Variants in DNAH14 observed in about 807,000 individuals in gnomAD.
The protein encoded by DNAH14 is axonemal beta dynein heavy chain 14.
Under a neutral mutation model 520.9 loss-of-function variants are expected in DNAH14, and 478 were observed. That is an observed-to-expected ratio of 0.92 (90% CI 0.85 to 0.99). The LOEUF (loss-of-function observed/expected upper bound fraction) is 0.99, where lower values mean the gene tolerates loss of function less well. Ranked by LOEUF, DNAH14 falls within the 50% of genes least tolerant of loss-of-function variation. The pLI, the probability that DNAH14 is intolerant of heterozygous loss-of-function variation, is 0.00. For synonymous variants in DNAH14, 1,581 were observed against 1,757.2 expected (o/e 0.90, Z 2.51); for missense variants, 4,831 against 5,234.5 (o/e 0.92, Z 2.38).
intron 44 of DNAH14, among the ~76,000 whole-genome samples, chr1:225,254,893 C>T (rs2092684905): frequency 6.6e-6 from 1 of 152,156 alleles, no homozygotes; most frequent in African/African-American, 2.4e-5. Flanking sequence ...CAACTCACGT[C>T]ATGGTAGCGA....
chr1:225,020,517 C>CA (rs58033176), intron 10 of DNAH14, among the ~76,000 whole-genome samples: 3 of 127,016 alleles, frequency 2.4e-5, no homozygotes, highest in Non-Finnish European at 4.7e-5. Flanking sequence ...AAAAAAAAAA[C>CA]AACTCAAAGG....
chr1:225,032,607 C>G (rs12074068), intron 11 of DNAH14, among the ~76,000 whole-genome samples: 203 of 152,116 alleles, frequency 1.3e-3, no homozygotes, highest in African/African-American at 4.5e-3. Flanking sequence ...AATAACGGGA[C>G]TGCTGGGTCG....
chr1:225,201,063 A>C (rs189479247), intron 38 of DNAH14, among the ~76,000 whole-genome samples: 123 of 151,520 alleles, frequency 8.1e-4, no homozygotes, highest in South Asian at 8.3e-4. Flanking sequence ...TCTTCTTATT[A>C]TTATTATTAT....
In DNAH14 at chr1:225,358,614, C is replaced by A; in HGVS notation, c.11738C>A (p.Ser3913Tyr). 1 of 1,547,994 alleles carries A rather than the reference C, an allele frequency of 6.5e-7. No individual in the cohort carries two copies. Among genetic ancestry groups the A allele is most frequent in the Non-Finnish European group, 8.7e-7 (1 of 1,145,896 alleles). Residue 3913 changes from serine to tyrosine, a missense_variant, in exon 74 of 86, where the codon TCC becomes TAC. Ser to Tyr is a moderately radical substitution (Grantham distance 144). Transcript: ENST00000682510. Reference sequence around the variant, plus strand: ...AATTTGAAAGATGCATATAAAGGATCCAATGCCAGAACTCCGCTGATACTT... The same window carrying A: ...AATTTGAAAGATGCATATAAAGGATACAATGCCAGAACTCCGCTGATACTT... Reference protein sequence around the residue: ...GVNLKDAYKGSNARTPLILIQ... With the variant: ...GVNLKDAYKGYNARTPLILIQ...
chr1:225,193,624 C>T (rs2085734254), intron 38 of DNAH14, among the ~76,000 whole-genome samples: 1 of 152,010 alleles, frequency 6.6e-6, no homozygotes, highest in East Asian at 1.9e-4. Context: ...GAAGCATTCC[C>T]CTTGAGAACC....
chr1:225,374,233 AATATATATATTTG>A (rs2095663194), intron 77 of DNAH14, among the ~76,000 whole-genome samples: 1 of 25,788 alleles, frequency 3.9e-5, no homozygotes, highest in South Asian at 1.1e-3. Context: ...AAATATATAT[AATATATATATTTG>A]TCTATATATA....
intron 17 of DNAH14, among the ~76,000 whole-genome samples, chr1:225,055,198 T>C (rs760062560): frequency 2.6e-5 from 4 of 152,198 alleles, no homozygotes; most frequent in Non-Finnish European, 5.9e-5. Flanking sequence ...GCCGTATTTC[T>C]ACATAGCATT....
At chr1:225,218,384 C>T (rs530213958) in intron 41 of DNAH14, among the ~76,000 whole-genome samples, 1 of 152,012 alleles carries the variant, frequency 6.6e-6, no homozygotes, top group East Asian at 1.9e-4. Context: ...GAGTCAAGAC[C>T]CATCAGTGTG....
chr1:225,133,028 G>A (rs568227265), intron 27 of DNAH14, among the ~76,000 whole-genome samples: 1 of 151,842 alleles, frequency 6.6e-6, no homozygotes. Flanking sequence ...TCTTTTTTTT[G>A]AGAAGTATCT....
At chr1:225,007,699 T>G (rs916588384) in intron 10 of DNAH14, among the ~76,000 whole-genome samples, 155 bp downstream of exon 10, 10 of 152,196 alleles carry the variant, frequency 6.6e-5, no homozygotes, top group Admixed American at 5.2e-4. Flanking sequence ...ATTTACTATA[T>G]ACAAGAATTT....
chr1:225,192,792 G>C lies in DNAH14; in HGVS notation c.5767G>C (p.Glu1923Gln). Reference sequence around the variant, plus strand: ...TGGACAACTGGATCCTAATACTATGGAATGGACTGATGGATTATTATCAGC... The same window carrying C: ...TGGACAACTGGATCCTAATACTATGCAATGGACTGATGGATTATTATCAGC... ...LYGQLDPNTM[E>Q]WTDGLLSATI... Residue 1923 changes from glutamate (E) to glutamine (Q), a missense_variant, in exon 38 of 86, where the codon GAA becomes CAA. Glu to Gln is a conservative substitution (Grantham distance 29, BLOSUM62 2). Coordinates refer to ENST00000682510, the MANE Select transcript of DNAH14 (RefSeq NM_001367479.1). 1 of 1,550,196 alleles carries C rather than the reference G, an allele frequency of 6.5e-7. No individual in the cohort carries two copies. Among genetic ancestry groups the C allele is most frequent in the Admixed American group, 2.0e-5 (1 of 50,956 alleles).
At chr1:225,155,341 T>A (rs996580541) in intron 34 of DNAH14, among the ~76,000 whole-genome samples, 5 of 152,146 alleles carry the variant, frequency 3.3e-5, no homozygotes, top group African/African-American at 1.2e-4. Flanking sequence ...GACAGATACA[T>A]ACACATGTAA....
rs180931849 is a variant in DNAH14 at position 224,970,785 on chromosome 1, G to A, written c.767+1911G>A. On this transcript the variant is annotated intron_variant, in intron 7 of 85. Transcript: ENST00000682510. ...ATGTACATATAAATGGACTTGTGCC[G>A]TTCAAACCCATGTTGTTCAAGAGTC... 2.4e-4 allele frequency among the ~76,000 whole-genome samples: 36 copies of A among 152,146 alleles called. No homozygotes were observed. In the East Asian group the frequency reaches 3.9e-3, roughly 16 times the overall value.
intron 21 of DNAH14, among the ~76,000 whole-genome samples, chr1:225,090,094 T>A (rs2074246843): frequency 6.6e-6 from 1 of 152,184 alleles, no homozygotes; most frequent in Non-Finnish European, 1.5e-5. Context: ...AAACTTATTT[T>A]AGCAAGTTTG....
intron 27 of DNAH14, among the ~76,000 whole-genome samples, chr1:225,127,054 T>G (rs1361956017): frequency 5.3e-5 from 8 of 151,292 alleles, no homozygotes; most frequent in South Asian, 2.1e-4. Flanking sequence ...CTAGTTTGAT[T>G]GCACTGTGGT....
intron 42 of DNAH14, among the ~76,000 whole-genome samples, chr1:225,235,326 T>C (rs998164707): frequency 3.9e-5 from 6 of 152,252 alleles, no homozygotes; most frequent in African/African-American, 1.2e-4. Flanking sequence ...TAGTTCTGTT[T>C]ATGCGATGAA....
chr1:224,935,842 A>T (rs952154060), intron 1 of DNAH14, among the ~76,000 whole-genome samples: 2 of 151,882 alleles, frequency 1.3e-5, no homozygotes, highest in African/African-American at 4.8e-5. Flanking sequence ...CATTTTTAAA[A>T]ATCAAAATCA....
intron 50 of DNAH14, among the ~76,000 whole-genome samples, chr1:225,271,308 G>A (rs1470278047): frequency 6.6e-6 from 1 of 151,948 alleles, no homozygotes. Flanking sequence ...TTTTTCAGGT[G>A]CGAACTATTT....
At chr1:224,959,752 T>G (rs192830146) in intron 3 of DNAH14, among the ~76,000 whole-genome samples, 3 of 152,272 alleles carry the variant, frequency 2.0e-5, no homozygotes, top group Admixed American at 1.3e-4. Flanking sequence ...GATTCACACT[T>G]TAAAGATTTA....
Sources: gnomAD v4.1 joint callset for allele counts (sites outside exome capture counted in the v4.1 genomes callset) on GRCh38, gnomAD v4.1.1 for gene constraint, MANE v1.5 for transcripts, NCBI Gene and HGNC (gene_info 2026-07-23, HGNC 2026-07-21) for gene names.